The following TENM2 variants were observed in gnomAD, a reference collection of about 807,000 sequenced individuals.
TENM2 encodes teneurin transmembrane protein 2.
TENM2 carries 52 observed loss-of-function variants against 245.2 expected under a neutral mutation model. The observed-to-expected ratio is 0.21, with a 90% CI of 0.17 to 0.27. The LOEUF is 0.27. Among genes scored for constraint, TENM2 ranks in the 10% least tolerant of loss-of-function variants. The pLI is 1.00. For missense variants in TENM2, 3,046 were observed against 3,666.8 expected (o/e 0.83, Z 4.37); for synonymous variants, 1,363 against 1,438.9 (o/e 0.95, Z 1.19).
intron 1 of TENM2, among the ~76,000 whole-genome samples, chr5:167,360,763 G>A (rs986075982): frequency 6.6e-6 from 1 of 152,144 alleles, no homozygotes; most frequent in Non-Finnish European, 1.5e-5. Flanking sequence ...ATAGGCTTAT[G>A]AGGATAGGTA....
chr5:167,749,090 G>A (rs1761780708), intron 2 of TENM2, among the ~76,000 whole-genome samples: 2 of 151,908 alleles, frequency 1.3e-5, no homozygotes, highest in African/African-American at 4.8e-5. Context: ...AATGAAATTA[G>A]ACATACTGGT....
At chr5:167,059,966 G>A in the TENM2 span, among the ~76,000 whole-genome samples, 1 of 152,060 alleles carries the variant, frequency 6.6e-6, no homozygotes, top group Non-Finnish European at 1.5e-5. Flanking sequence ...GCCTCCCAAA[G>A]TGCTGGGATT....
chr5:167,965,334 A>G lies in TENM2; in HGVS notation c.947+12512A>G, dbSNP rs951283242. 3.3e-5 allele frequency: 5 copies of G among 152,340 alleles called. No individual in the cohort carries two copies. In the East Asian group the frequency reaches 9.6e-4, roughly 29 times the overall value. The allele number at this position is 152,340 out of a possible 1,614,324, so 9.4% of individuals were successfully genotyped here. ...CCAGACTTATTTTGATTCTAAAATAATATGTATAACACAGAAAATCATCCA... is the reference window on the plus strand; with the variant it reads ...CCAGACTTATTTTGATTCTAAAATAGTATGTATAACACAGAAAATCATCCA... On this transcript the variant is annotated intron_variant, in intron 4 of 28. Coordinates refer to ENST00000518659, the Ensembl canonical transcript of TENM2.
intron 2 of TENM2, among the ~76,000 whole-genome samples, chr5:167,788,946 A>C (rs1343044142): frequency 2.0e-5 from 3 of 152,168 alleles, no homozygotes; most frequent in Admixed American, 6.6e-5. Flanking sequence ...ACAGGTAGGA[A>C]TTACAAAATC....
the TENM2 span, among the ~76,000 whole-genome samples, chr5:167,115,207 C>T: frequency 6.6e-6 from 1 of 152,088 alleles, no homozygotes; most frequent in Non-Finnish European, 1.5e-5. Context: ...GTTAGGCAAC[C>T]GGAGCTGGTT....
chr5:167,334,712 A>G (rs747626576), intron 1 of TENM2, among the ~76,000 whole-genome samples: 2 of 152,220 alleles, frequency 1.3e-5, no homozygotes, highest in Non-Finnish European at 2.9e-5. Context: ...ACTCCGTTAC[A>G]ACATATTATC....
chr5:167,684,059 G>A (rs1756917918), intron 2 of TENM2, among the ~76,000 whole-genome samples: 1 of 152,206 alleles, frequency 6.6e-6, no homozygotes, highest in South Asian at 2.1e-4. Flanking sequence ...AACCACCAGT[G>A]CCAGCTTCTC....
chr5:167,606,190 GA>G (rs149658291), intron 2 of TENM2, among the ~76,000 whole-genome samples: 7,721 of 152,202 alleles, frequency 0.051, 290 homozygotes, highest in Non-Finnish European at 0.069. Context: ...ATGGCAGGAG[GA>G]AAACTGCAAT....
At chr5:168,261,669 C>T (rs538211737) in intron 28 of TENM2, among the ~76,000 whole-genome samples, 8 of 152,208 alleles carry the variant, frequency 5.3e-5, no homozygotes, top group African/African-American at 1.2e-4. Flanking sequence ...GGGTCTAAAG[C>T]GGGCAAGGCA....
chr5:167,190,030 T>G, the TENM2 span, among the ~76,000 whole-genome samples: 1 of 152,174 alleles, frequency 6.6e-6, no homozygotes, highest in South Asian at 2.1e-4. Flanking sequence ...TCTGTCCAAA[T>G]TCTTCAAAGC....
At chr5:167,864,614 A>G (rs73370977) in intron 2 of TENM2, among the ~76,000 whole-genome samples, 2,945 of 152,304 alleles carry the variant, frequency 0.019, 79 homozygotes, top group African/African-American at 0.067. Context: ...TTGTTACATC[A>G]GCACTTGGTA....
chr5:167,207,251 G>A, the TENM2 span, among the ~76,000 whole-genome samples: 1 of 152,114 alleles, frequency 6.6e-6, no homozygotes, highest in South Asian at 2.1e-4. Context: ...GATGGTGCGA[G>A]GTCTAAATTC....
the TENM2 span, among the ~76,000 whole-genome samples, chr5:167,159,117 AT>A: frequency 6.6e-6 from 1 of 151,260 alleles, no homozygotes; most frequent in Non-Finnish European, 1.5e-5. Flanking sequence ...TAATTTTTGT[AT>A]TTTCAGTAGA....
chr5:167,568,185 G>C (rs1774030953), intron 2 of TENM2, among the ~76,000 whole-genome samples: 4 of 152,084 alleles, frequency 2.6e-5, no homozygotes, highest in Admixed American at 2.6e-4. Context: ...GACATGGGAG[G>C]AAAGAGCATT....
chr5:167,456,082 T>G (rs961025576), intron 2 of TENM2, among the ~76,000 whole-genome samples: 6 of 152,172 alleles, frequency 3.9e-5, no homozygotes, highest in Admixed American at 3.9e-4. Flanking sequence ...ACGTCTCTAA[T>G]AGATTCTACC....
intron 9 of TENM2, among the ~76,000 whole-genome samples, chr5:168,109,997 GC>G (rs2152311874): frequency 6.6e-6 from 1 of 150,684 alleles, no homozygotes; most frequent in African/African-American, 2.4e-5. Context: ...CAGTCCGTCA[GC>G]CCTCCCCCAA....
At chr5:167,420,431 C>T (rs151252383) in intron 2 of TENM2, among the ~76,000 whole-genome samples, 217 of 152,038 alleles carry the variant, frequency 1.4e-3, no homozygotes, top group African/African-American at 5.0e-3. Context: ...GGGCTTTACA[C>T]CCTTCTCAGC....
At position 167,989,268 on chromosome 5, in the gene TENM2, A is replaced by AAGAGAGAGAGAGAGAGAG. The variant is rs10617322; in HGVS notation, c.948-3660_948-3643dup. ...TAGATAGATAGATAGAAGATAGAGA[A>AAGAGAGAGAGAGAGAGAG]AGAGAGAGAGAGAGAGAGAGAGAGA... On this transcript the variant is annotated intron_variant, in intron 4 of 28. Transcript: ENST00000518659. Among the ~76,000 whole-genome samples the AAGAGAGAGAGAGAGAGAG allele has an allele frequency of 1.5e-3, 218 of 144,970 alleles. 1 individual carries two copies. The highest frequency in any genetic ancestry group is 5.4e-3 in the African/African-American group (210 of 38,732).
At chr5:168,043,781 T>C (rs1377814909) in intron 5 of TENM2, among the ~76,000 whole-genome samples, 3 of 152,200 alleles carry the variant, frequency 2.0e-5, no homozygotes, top group Non-Finnish European at 2.9e-5. Flanking sequence ...AGAATGGCTA[T>C]GTGATAAAGT....
Sources: gnomAD v4.1 joint callset for allele counts (sites outside exome capture counted in the v4.1 genomes callset) on GRCh38, gnomAD v4.1.1 for gene constraint, MANE v1.5 for transcripts, NCBI Gene and HGNC (gene_info 2026-07-23, HGNC 2026-07-21) for gene names.